Variants in ANO2 observed in about 807,000 individuals in gnomAD.
ANO2 encodes anoctamin-2.
ANO2 carries 101 observed loss-of-function variants against 124.2 expected under a neutral mutation model. The ratio of observed to expected loss-of-function variants is 0.81; its 90% CI spans 0.69 to 0.96. The LOEUF (loss-of-function observed/expected upper bound fraction) is 0.96, where lower values mean the gene tolerates loss of function less well. ANO2 is among the 40% of genes least tolerant of loss of function. The probability of loss-of-function intolerance (pLI) is 0.00; values close to 1 mark genes in which losing one functional copy is unlikely to be tolerated. For synonymous variants in ANO2, 486 were observed against 482.5 expected, an observed-to-expected ratio of 1.01 and a Z score of -0.09; for missense variants, 1,293 against 1,274.5, an observed-to-expected ratio of 1.01 and a Z score of -0.22.
At chr12:5,857,378 G>T (rs1955130299) in intron 3 of ANO2, among the ~76,000 whole-genome samples, 2 of 152,074 alleles carry the variant, frequency 1.3e-5, no homozygotes, top group Non-Finnish European at 2.9e-5. Flanking sequence ...CTTTTCCTTT[G>T]GGTACATACC....
intron 14 of ANO2, among the ~76,000 whole-genome samples, chr12:5,659,864 T>C (rs1218048241): frequency 6.6e-6 from 1 of 152,156 alleles, no homozygotes; most frequent in East Asian, 1.9e-4. Flanking sequence ...CCTGCCTGGA[T>C]TGGGATTGGA....
At chr12:5,621,985 C>T (rs1158902616) in intron 16 of ANO2, among the ~76,000 whole-genome samples, 2 of 152,060 alleles carry the variant, frequency 1.3e-5, no homozygotes, top group Non-Finnish European at 2.9e-5. Flanking sequence ...CCTGAGGCAT[C>T]CAATTTAACA....
chr12:5,895,189 C>T (rs976798861), intron 3 of ANO2, among the ~76,000 whole-genome samples: 2 of 152,002 alleles, frequency 1.3e-5, no homozygotes, highest in Non-Finnish European at 2.9e-5. Flanking sequence ...TGTAGTTGTC[C>T]ATGAAGAGGT....
intron 23 of ANO2, among the ~76,000 whole-genome samples, chr12:5,574,112 A>G (rs1942276343): frequency 6.6e-6 from 1 of 152,204 alleles, no homozygotes; most frequent in African/African-American, 2.4e-5. Flanking sequence ...GTCCCACAAT[A>G]CCTTCTCTTA....
chr12:5,881,118 AAAAGAAAT>A (rs1216872961), intron 3 of ANO2, among the ~76,000 whole-genome samples: 1 of 152,202 alleles, frequency 6.6e-6, no homozygotes, highest in Non-Finnish European at 1.5e-5. Context: ...TCTACAGAAA[AAAAGAAAT>A]GTGCAGTCTA....
At chr12:5,823,662 C>T (rs1953873841) in intron 7 of ANO2, among the ~76,000 whole-genome samples, 1 of 152,214 alleles carries the variant, frequency 6.6e-6, no homozygotes, top group African/African-American at 2.4e-5. Context: ...GTCAGTGGAT[C>T]TACTATTCTG....
intron 13 of ANO2, among the ~76,000 whole-genome samples, chr12:5,738,716 G>A (rs1418357004): frequency 6.6e-6 from 1 of 152,064 alleles, no homozygotes; most frequent in African/African-American, 2.4e-5. Context: ...GGGAATGGGG[G>A]GCTAGTCCTC....
At chr12:5,669,792 C>T (rs1056979345) in intron 14 of ANO2, among the ~76,000 whole-genome samples, 2 of 152,236 alleles carry the variant, frequency 1.3e-5, no homozygotes, top group Admixed American at 1.3e-4. Flanking sequence ...GCTCATCACT[C>T]TCCACTCTAT....
chr12:5,726,086 C>G (rs532529232), intron 14 of ANO2, among the ~76,000 whole-genome samples: 23 of 151,952 alleles, frequency 1.5e-4, no homozygotes, highest in African/African-American at 5.6e-4. Flanking sequence ...AAGAAAACCT[C>G]CAAACGTGTC....
chr12:5,903,678 G>GTGTGTGTGTGTGT (rs1565765485), intron 3 of ANO2, among the ~76,000 whole-genome samples: 8 of 108,656 alleles, frequency 7.4e-5, no homozygotes, highest in African/African-American at 2.9e-4. Context: ...TGTGTGTGTG[G>GTGTGTGTGTGTGT]GTGTAGACAG....
At chr12:5,698,877 G>A (rs147456207) in intron 14 of ANO2, among the ~76,000 whole-genome samples, 18,146 of 152,188 alleles carry the variant, frequency 0.12, 1,189 homozygotes, top group East Asian at 0.21. Flanking sequence ...GAAATGAAGT[G>A]AGAAGAGAAG....
chr12:5,839,635 T>C (rs1232898131), intron 4 of ANO2: 6 of 455,834 alleles, frequency 1.3e-5, no homozygotes, highest in African/African-American at 1.0e-4. Flanking sequence ...TGGTGGTTGA[T>C]TGTGGTAAGC....
chr12:5,844,997 C>A (rs948505818), intron 4 of ANO2, among the ~76,000 whole-genome samples: 1 of 148,678 alleles, frequency 6.7e-6, no homozygotes, highest in Non-Finnish European at 1.5e-5. Flanking sequence ...CTAGGCTGGG[C>A]ATGGCACCTC....
chr12:5,733,091 A>T (rs1950712559), intron 13 of ANO2: 2 of 614,854 alleles, frequency 3.3e-6, no homozygotes, highest in Admixed American at 5.5e-5. Context: ...GAGTGAGGGC[A>T]ACAACAAAAC....
At chr12:5,618,331 G>A (rs762483006) in intron 16 of ANO2, among the ~76,000 whole-genome samples, 23 of 152,208 alleles carry the variant, frequency 1.5e-4, no homozygotes, top group Admixed American at 2.0e-4. Flanking sequence ...CACCTCCAGC[G>A]TGGGCCAATG....
chr12:5,847,932 A>G (rs1006805163), intron 4 of ANO2, among the ~76,000 whole-genome samples: 2 of 152,244 alleles, frequency 1.3e-5, no homozygotes, highest in Non-Finnish European at 2.9e-5. Flanking sequence ...ATTTCAAAAC[A>G]TGGGTTCAAC....
intron 1 of ANO2, among the ~76,000 whole-genome samples, chr12:5,923,319 G>A (rs1057251557): frequency 6.6e-5 from 10 of 150,804 alleles, no homozygotes; most frequent in Non-Finnish European, 1.3e-4. Context: ...GAGCTCCTTC[G>A]GATCATGGCT....
intron 10 of ANO2, among the ~76,000 whole-genome samples, chr12:5,770,684 A>G (rs1022361793): frequency 5.3e-5 from 8 of 152,028 alleles, no homozygotes; most frequent in African/African-American, 1.9e-4. Flanking sequence ...CAATCTTTTC[A>G]CTACACTTCT....
chr12:5,662,493 T>C (rs570541731), intron 14 of ANO2, among the ~76,000 whole-genome samples: 1 of 152,350 alleles, frequency 6.6e-6, no homozygotes, highest in East Asian at 1.9e-4. Context: ...CCATGTGCTC[T>C]GGTCAGAAAA....
Sources: allele counts gnomAD v4.1 joint callset (sites outside exome capture counted in the v4.1 genomes callset), GRCh38; gene constraint gnomAD v4.1.1; transcripts MANE v1.5; gene names NCBI Gene and HGNC (gene_info 2026-07-23, HGNC 2026-07-21).